SPAG16: variants seen among roughly 807,000 people sequenced by gnomAD.
SPAG16 encodes the protein sperm-associated antigen 16 protein.
Under a neutral mutation model 80.4 loss-of-function variants are expected in SPAG16, and 86 were observed. The ratio of observed to expected loss-of-function variants is 1.07; its 90% CI spans 0.90 to 1.28. The LOEUF (loss-of-function observed/expected upper bound fraction) is 1.28, where lower values mean the gene tolerates loss of function less well. Among genes scored for constraint, SPAG16 ranks in the 50% most tolerant of loss-of-function variants. The pLI is 0.00. For synonymous variants in SPAG16, 294 were observed against 265.9 expected, an observed-to-expected ratio of 1.11 and a Z score of -1.03; for missense variants, 870 against 765.3, an observed-to-expected ratio of 1.14 and a Z score of -1.61.
intron 9 of SPAG16, among the ~76,000 whole-genome samples, chr2:213,381,602 C>T (rs2067175910): frequency 6.6e-6 from 1 of 152,054 alleles, no homozygotes; most frequent in Non-Finnish European, 1.5e-5. Context: ...GAGGGAGAGC[C>T]AAGGAAAATA....
chr2:213,938,180 T>G (rs1183865562), intron 12 of SPAG16, among the ~76,000 whole-genome samples: 1 of 151,988 alleles, frequency 6.6e-6, no homozygotes, highest in Non-Finnish European at 1.5e-5. Context: ...CTTTACCATG[T>G]TAAATATGCA....
intron 15 of SPAG16, among the ~76,000 whole-genome samples, chr2:214,167,193 C>G (rs181418231): frequency 6.6e-6 from 1 of 152,072 alleles, no homozygotes; most frequent in Admixed American, 6.6e-5. Context: ...CGGCTCTGTC[C>G]CTCCTTCCTC....
chr2:214,044,319 T>C (rs897662994), intron 13 of SPAG16, among the ~76,000 whole-genome samples: 4 of 152,222 alleles, frequency 2.6e-5, no homozygotes, highest in Admixed American at 1.3e-4. Context: ...CATGTTCATC[T>C]TTCCATTCAT....
chr2:214,381,694 A>T (rs1239554586), intron 15 of SPAG16, among the ~76,000 whole-genome samples: 2 of 152,196 alleles, frequency 1.3e-5, no homozygotes, highest in Non-Finnish European at 2.9e-5. Context: ...GTCCAGGGAG[A>T]CATTGGTGAC....
intron 12 of SPAG16, among the ~76,000 whole-genome samples, chr2:213,985,165 A>G (rs556421086): frequency 6.6e-6 from 1 of 152,258 alleles, no homozygotes; most frequent in South Asian, 2.1e-4. Flanking sequence ...AGAAGTATCT[A>G]TTAAAAGAAT....
At chr2:213,763,942 G>A (rs1044644035) in intron 10 of SPAG16, among the ~76,000 whole-genome samples, 1 of 152,162 alleles carries the variant, frequency 6.6e-6, no homozygotes, top group African/African-American at 2.4e-5. Context: ...TGCACAGTTG[G>A]GCTTCAGGAG....
chr2:213,519,547 A>C (rs571959192), intron 10 of SPAG16, among the ~76,000 whole-genome samples: 5 of 152,294 alleles, frequency 3.3e-5, no homozygotes, highest in Admixed American at 2.0e-4. Context: ...TTCTGCCATG[A>C]TTGTGAGTCT....
chr2:213,554,716 A>G (rs948374113), intron 10 of SPAG16, among the ~76,000 whole-genome samples: 3 of 152,034 alleles, frequency 2.0e-5, no homozygotes, highest in Non-Finnish European at 4.4e-5. Context: ...ATACGATGCA[A>G]TGGAAAGTGT....
intron 15 of SPAG16, among the ~76,000 whole-genome samples, chr2:214,347,009 G>A (rs1356861488): frequency 6.6e-6 from 1 of 152,174 alleles, no homozygotes; most frequent in Non-Finnish European, 1.5e-5. Context: ...ACAGAATTTG[G>A]TACCTGAAAG....
chr2:214,299,372 C>T (rs1347362850), intron 15 of SPAG16, among the ~76,000 whole-genome samples: 3 of 150,674 alleles, frequency 2.0e-5, no homozygotes, highest in African/African-American at 7.3e-5. Flanking sequence ...GCCTCAGCCT[C>T]CTGAATAGCT....
intron 15 of SPAG16, among the ~76,000 whole-genome samples, chr2:214,272,479 T>A (rs1414812320): frequency 6.6e-6 from 1 of 152,080 alleles, no homozygotes; most frequent in African/African-American, 2.4e-5. Context: ...CAGTGTGTGA[T>A]GTTCCCCTGT....
At chr2:214,344,071 T>C (rs1022546315) in intron 15 of SPAG16, among the ~76,000 whole-genome samples, 2 of 152,162 alleles carry the variant, frequency 1.3e-5, no homozygotes, top group African/African-American at 4.8e-5. Context: ...ATACTTTCAC[T>C]GAAAGCACAT....
chr2:213,701,690 T>C (rs2065429629), intron 10 of SPAG16, among the ~76,000 whole-genome samples: 1 of 152,220 alleles, frequency 6.6e-6, no homozygotes. Flanking sequence ...GCTGGGCTCC[T>C]GAGTCGGGTA....
At chr2:213,951,816 G>C (rs1438700772) in intron 12 of SPAG16, among the ~76,000 whole-genome samples, 4 of 152,034 alleles carry the variant, frequency 2.6e-5, no homozygotes, top group Non-Finnish European at 2.9e-5. Context: ...CCAAGCAAAA[G>C]ACATAGTTAT....
At chr2:214,361,179 G>A (rs1330194093) in intron 15 of SPAG16, among the ~76,000 whole-genome samples, 1 of 151,836 alleles carries the variant, frequency 6.6e-6, no homozygotes, top group Non-Finnish European at 1.5e-5. Flanking sequence ...TCAGCTTGAA[G>A]TCCAAAATGG....
chr2:213,903,610 A>G (rs187962112), intron 11 of SPAG16, among the ~76,000 whole-genome samples: 2 of 152,282 alleles, frequency 1.3e-5, no homozygotes, highest in Admixed American at 1.3e-4. Context: ...AGGGGCTGCC[A>G]TGAAAACCTC....
intron 10 of SPAG16, among the ~76,000 whole-genome samples, chr2:213,554,908 C>A (rs928325187): frequency 6.6e-6 from 1 of 151,494 alleles, no homozygotes; most frequent in Non-Finnish European, 1.5e-5. Context: ...AGGAAAGAGA[C>A]CAGAGGTAGA....
intron 11 of SPAG16, among the ~76,000 whole-genome samples, chr2:213,910,867 G>A (rs1317038993): frequency 6.6e-6 from 1 of 151,996 alleles, no homozygotes; most frequent in Non-Finnish European, 1.5e-5. Flanking sequence ...TCCAAATAAA[G>A]ACAGTAAGTT....
intron 15 of SPAG16, among the ~76,000 whole-genome samples, chr2:214,293,075 C>T (rs759384651): frequency 1.3e-5 from 2 of 152,134 alleles, no homozygotes; most frequent in African/African-American, 2.4e-5. Flanking sequence ...TACCTTGAGC[C>T]GTAGAGCAAT....
Sources: allele counts gnomAD v4.1 joint callset (sites outside exome capture counted in the v4.1 genomes callset), GRCh38; gene constraint gnomAD v4.1.1; transcripts MANE v1.5; gene names NCBI Gene and HGNC (gene_info 2026-07-23, HGNC 2026-07-21).